Variants in GALNTL6 observed in about 807,000 individuals in gnomAD.
GALNTL6 encodes the protein polypeptide N-acetylgalactosaminyltransferase like 6.
In GALNTL6, 46 loss-of-function variants were observed where a neutral mutation model predicts 73.7. That is an observed-to-expected ratio of 0.62 (90% CI 0.49 to 0.80). The LOEUF is 0.80. Among genes scored for constraint, GALNTL6 ranks in the 30% least tolerant of loss-of-function variants. GALNTL6 has a pLI of 0.00. For synonymous variants in GALNTL6, 259 were observed against 263.7 expected, an observed-to-expected ratio of 0.98 and a Z score of 0.17; for missense variants, 604 against 755.0, an observed-to-expected ratio of 0.80 and a Z score of 2.34.
intron 5 of GALNTL6, among the ~76,000 whole-genome samples, chr4:172,720,356 C>G (rs537801036): frequency 7.9e-5 from 12 of 152,136 alleles, no homozygotes; most frequent in African/African-American, 2.2e-4. Context: ...GCTTCCCGCC[C>G]GCCATTCAAA....
intron 7 of GALNTL6, among the ~76,000 whole-genome samples, chr4:172,861,597 G>A (rs1452057222): frequency 6.6e-6 from 1 of 152,128 alleles, no homozygotes; most frequent in Admixed American, 6.5e-5. Context: ...ATATGGTTTG[G>A]CTATGTCCCC....
chr4:172,962,696 G>A (rs1243070244), intron 10 of GALNTL6, among the ~76,000 whole-genome samples: 1 of 152,100 alleles, frequency 6.6e-6, no homozygotes, highest in Admixed American at 6.5e-5. Context: ...TTATGCACTT[G>A]TACTTGGAAC....
intron 2 of GALNTL6, among the ~76,000 whole-genome samples, chr4:171,970,549 A>T (rs894887572): frequency 9.9e-5 from 15 of 152,206 alleles, no homozygotes; most frequent in Non-Finnish European, 2.1e-4. Flanking sequence ...TATCTTAAAA[A>T]TTTTTAGTGG....
At chr4:172,531,171 C>T (rs1201512808) in intron 5 of GALNTL6, among the ~76,000 whole-genome samples, 1 of 152,074 alleles carries the variant, frequency 6.6e-6, no homozygotes, top group East Asian at 1.9e-4. Context: ...TTCTGTTTCT[C>T]GGGGAAACTA....
rs188607752 is a variant in GALNTL6, at chr4:171,852,895, G to A, written c.138+38177G>A. Among the ~76,000 whole-genome samples the A allele has an allele frequency of 9.3e-4, 141 of 152,132 alleles. 2 individuals carry two copies. The East Asian group carries it at 0.018, about 19-fold the overall frequency. On this transcript the variant is annotated intron_variant, in intron 2 of 12. Transcript: ENST00000506823. ...GGAGTCTTGCTCTGTCGCCCAGGCT[G>A]GAATGCAGTGGCCCGATCTCGGCTC...
At chr4:172,984,328 T>G in intron 10 of GALNTL6, among the ~76,000 whole-genome samples, 1 of 152,068 alleles carries the variant, frequency 6.6e-6, no homozygotes, top group East Asian at 1.9e-4. Context: ...AGAGAATAAG[T>G]GCTGAGCAAA....
At chr4:172,244,291 A>T (rs1737550639) in intron 3 of GALNTL6, among the ~76,000 whole-genome samples, 1 of 152,178 alleles carries the variant, frequency 6.6e-6, no homozygotes, top group South Asian at 2.1e-4. Context: ...AACACAACTT[A>T]GGCTGAGACT....
chr4:172,477,849 A>T (rs1260754867), intron 5 of GALNTL6, among the ~76,000 whole-genome samples: 1 of 152,192 alleles, frequency 6.6e-6, no homozygotes, highest in Non-Finnish European at 1.5e-5. Context: ...TTTTTTTCCC[A>T]TCAAAGTTTT....
intron 12 of GALNTL6, among the ~76,000 whole-genome samples, chr4:173,033,736 A>G (rs1753567044): frequency 6.6e-6 from 1 of 152,234 alleles, no homozygotes; most frequent in African/African-American, 2.4e-5. Context: ...TGGTTTCTTA[A>G]TTCCAAGCCT....
At chr4:172,487,588 A>G (rs1052255954) in intron 5 of GALNTL6, among the ~76,000 whole-genome samples, 2 of 151,614 alleles carry the variant, frequency 1.3e-5, no homozygotes, top group African/African-American at 2.4e-5. Flanking sequence ...GAGTTTCACC[A>G]CATTGCCCAG....
intron 7 of GALNTL6, among the ~76,000 whole-genome samples, chr4:172,821,374 T>A (rs1741916984): frequency 6.6e-6 from 1 of 152,196 alleles, no homozygotes; most frequent in Non-Finnish European, 1.5e-5. Context: ...AGACTTTGAA[T>A]CCTAGGGTTA....
intron 5 of GALNTL6, among the ~76,000 whole-genome samples, chr4:172,439,018 A>G (rs1731735832): frequency 6.6e-6 from 1 of 151,522 alleles, no homozygotes; most frequent in Non-Finnish European, 1.5e-5. Flanking sequence ...AGGACACTAC[A>G]TTTGCAAATC....
chr4:172,951,814 C>T (rs1346355120), intron 9 of GALNTL6, among the ~76,000 whole-genome samples: 2 of 152,164 alleles, frequency 1.3e-5, no homozygotes, highest in Admixed American at 1.3e-4. Flanking sequence ...ACCAAATTGG[C>T]AATTGAACCC....
chr4:171,850,805 T>C (rs985903447), intron 2 of GALNTL6, among the ~76,000 whole-genome samples: 2 of 152,124 alleles, frequency 1.3e-5, no homozygotes, highest in Non-Finnish European at 2.9e-5. Flanking sequence ...TGGGGTTCCC[T>C]TGGCCAAGAG....
chr4:172,214,338 C>T (rs1350477696), intron 2 of GALNTL6, among the ~76,000 whole-genome samples: 1 of 151,936 alleles, frequency 6.6e-6, no homozygotes, highest in African/African-American at 2.4e-5. Context: ...AATAGCTTGT[C>T]AGGATTTTAG....
At chr4:172,144,543 G>A (rs1440397578) in intron 2 of GALNTL6, among the ~76,000 whole-genome samples, 1 of 152,182 alleles carries the variant, frequency 6.6e-6, no homozygotes, top group Admixed American at 6.5e-5. Flanking sequence ...TTTTATATGA[G>A]AGGGAGCTAG....
At chr4:172,435,783 C>T (rs182027443) in intron 5 of GALNTL6, among the ~76,000 whole-genome samples, 14 of 151,856 alleles carry the variant, frequency 9.2e-5, no homozygotes, top group East Asian at 3.9e-4. Context: ...AACTAGTAAA[C>T]GTCTGATTCT....
intron 5 of GALNTL6, among the ~76,000 whole-genome samples, chr4:172,551,536 A>G (rs1324884068): frequency 2.6e-5 from 4 of 152,284 alleles, no homozygotes; most frequent in Admixed American, 2.0e-4. Flanking sequence ...TATGCTAACA[A>G]TGTAAATACG....
At position 172,626,898 on chromosome 4, in the gene GALNTL6, G is replaced by A. The variant is rs1097573; in HGVS notation, c.554-182463G>A. ...TATCAGTTTCAGGAGCCTTTTGGCA[G>A]TATCATTAGAGCTTTCTAGATGTAG... On this transcript the variant is annotated intron_variant, in intron 5 of 12. Coordinates refer to ENST00000506823, the MANE Select transcript of GALNTL6 (RefSeq NM_001034845.3). Among the ~76,000 whole-genome samples the A allele has an allele frequency of 7.8e-3, 1,181 of 152,208 alleles. 15 individuals carry two copies. The highest frequency in any genetic ancestry group is 0.027 in the African/African-American group (1,136 of 41,552).
Sources: gnomAD v4.1 joint callset for allele counts (sites outside exome capture counted in the v4.1 genomes callset) on GRCh38, gnomAD v4.1.1 for gene constraint, MANE v1.5 for transcripts, NCBI Gene and HGNC (gene_info 2026-07-23, HGNC 2026-07-21) for gene names.